The following CHAF1B variants were observed in gnomAD, a reference collection of about 807,000 sequenced individuals.
The protein encoded by CHAF1B is CAF-1 subunit B.
CHAF1B carries 10 observed loss-of-function variants against 60.7 expected under a neutral mutation model. That is an observed-to-expected ratio of 0.16 (90% CI 0.10 to 0.28). The LOEUF (loss-of-function observed/expected upper bound fraction) is 0.28. Ranked by LOEUF, CHAF1B falls within the 10% of genes least tolerant of loss-of-function variation. CHAF1B has a pLI of 1.00. For synonymous variants in CHAF1B, 261 were observed against 266.1 expected (o/e 0.98, Z 0.19); for missense variants, 558 against 708.4 (o/e 0.79, Z 2.41).
At chr21:36,407,413 T>A (rs2086246823) in intron 8 of CHAF1B, among the ~76,000 whole-genome samples, 1 of 151,974 alleles carries the variant, frequency 6.6e-6, no homozygotes, top group Non-Finnish European at 1.5e-5. Context: ...GGTGAATGAA[T>A]CTTGCAGTAA....
At chr21:36,399,489 G>A (rs528675863) in intron 6 of CHAF1B, 32 bp from the exon 7 acceptor site, 1 of 1,558,532 alleles carries the variant, frequency 6.4e-7, no homozygotes, top group Non-Finnish European at 8.8e-7. Context: ...TCATTTACTA[G>A]AAGTGGTAAA....
intron 4 of CHAF1B, among the ~76,000 whole-genome samples, chr21:36,392,521 C>T (rs1269391710): frequency 2.1e-5 from 3 of 144,790 alleles, no homozygotes; most frequent in Non-Finnish European, 4.6e-5. Flanking sequence ...CGCCCCCCAC[C>T]TCCCGGACGG....
At chr21:36,415,541 G>A (rs757029886) in intron 13 of CHAF1B, 152 bp downstream of exon 13, 7 of 623,560 alleles carry the variant, frequency 1.1e-5, no homozygotes, top group South Asian at 1.9e-5. Context: ...CCGGCTGCCT[G>A]TTTACGCCTC....
chr21:36,398,534 A>G (rs1308948690), intron 6 of CHAF1B, among the ~76,000 whole-genome samples: 5 of 151,740 alleles, frequency 3.3e-5, no homozygotes, highest in African/African-American at 4.8e-5. Flanking sequence ...TAATTTTTGT[A>G]TTTTTAGTAG....
intron 8 of CHAF1B, among the ~76,000 whole-genome samples, chr21:36,406,973 A>C (rs747697878): frequency 1.6e-4 from 24 of 152,188 alleles, no homozygotes; most frequent in Non-Finnish European, 3.4e-4. Context: ...AAGGAAATAT[A>C]GGAGGACATT....
intron 7 of CHAF1B, among the ~76,000 whole-genome samples, chr21:36,401,588 A>G (rs1204104761): frequency 8.7e-6 from 1 of 115,386 alleles, no homozygotes; most frequent in Non-Finnish European, 1.7e-5. Context: ...TATATTATAC[A>G]TAATATATAT....
At chr21:36,393,030 C>T (rs529963637) in intron 4 of CHAF1B, among the ~76,000 whole-genome samples, 13 of 152,308 alleles carry the variant, frequency 8.5e-5, no homozygotes, top group Admixed American at 3.9e-4. Flanking sequence ...GCCAACACAG[C>T]GAAACCCCAT....
intron 5 of CHAF1B, among the ~76,000 whole-genome samples, chr21:36,396,140 C>T (rs1374540302): frequency 6.6e-6 from 1 of 151,598 alleles, no homozygotes; most frequent in East Asian, 1.9e-4. Context: ...GCTGGGATTA[C>T]AGGCGCCCGC....
At chr21:36,394,784 T>G (rs920585906) in intron 5 of CHAF1B, 134 bp downstream of exon 5, 11 of 576,434 alleles carry the variant, frequency 1.9e-5, no homozygotes, top group Non-Finnish European at 3.0e-5. Context: ...CAGGCTGGAG[T>G]GCAGTGGTGC....
At chr21:36,401,787 C>A (rs2086194040) in intron 7 of CHAF1B, among the ~76,000 whole-genome samples, 1 of 151,458 alleles carries the variant, frequency 6.6e-6, no homozygotes, top group African/African-American at 2.4e-5. Context: ...GTCACCCAGG[C>A]TGGAGTGCAG....
chr21:36,407,179 G>T (rs2086244514), intron 8 of CHAF1B, among the ~76,000 whole-genome samples: 1 of 151,974 alleles, frequency 6.6e-6, no homozygotes, highest in African/African-American at 2.4e-5. Flanking sequence ...ATGCACACCT[G>T]TAATCCCAGC....
intron 6 of CHAF1B, 64 bp downstream of exon 6, chr21:36,397,575 G>T: frequency 1.2e-6 from 1 of 852,970 alleles, no homozygotes; most frequent in Non-Finnish European, 1.8e-6. Flanking sequence ...TCTGAAGAGA[G>T]GTATTTATCG....
At chr21:36,401,232 A>G (rs1228679826) in intron 7 of CHAF1B, among the ~76,000 whole-genome samples, 1 of 150,676 alleles carries the variant, frequency 6.6e-6, no homozygotes, top group African/African-American at 2.4e-5. Context: ...GCGCCATTGC[A>G]CTCCAGCCTG....
At chr21:36,393,949 G>C (rs914362678) in intron 4 of CHAF1B, among the ~76,000 whole-genome samples, 1 of 152,088 alleles carries the variant, frequency 6.6e-6, no homozygotes, top group African/African-American at 2.4e-5. Context: ...GCGCAGGCTG[G>C]AGTGCAGTGG....
At chr21:36,400,452 C>T (rs924469443) in intron 7 of CHAF1B, among the ~76,000 whole-genome samples, 1 of 151,818 alleles carries the variant, frequency 6.6e-6, no homozygotes, top group Non-Finnish European at 1.5e-5. Flanking sequence ...GCCTGGGTGA[C>T]AAGAGCGAAA....
chr21:36,410,907 C>T (rs749951738), intron 10 of CHAF1B, among the ~76,000 whole-genome samples: 7 of 151,910 alleles, frequency 4.6e-5, no homozygotes, highest in Non-Finnish European at 7.4e-5. Context: ...GTGATCTGCC[C>T]GCCTCAGTTT....
At chr21:36,415,983 G>A in intron 13 of CHAF1B, 2 of 336,796 alleles carry the variant, frequency 5.9e-6, no homozygotes, top group Non-Finnish European at 1.1e-5. Flanking sequence ...TGAACTCCTG[G>A]CCTCAAATGA....
chr21:36,386,276 G>GAGATAGAC lies in CHAF1B; in HGVS notation c.126+16_126+23dup. ...ACCAATGTCAGGGTAAACTGGGGCAGAGATAGACATCCGGGAACACTGCTT... is the reference window on the plus strand; with the variant it reads ...ACCAATGTCAGGGTAAACTGGGGCAGAGATAGACAGATAGACATCCGGGAACACTGCTT... On this transcript the variant is annotated intron_variant, in intron 2 of 13. Coordinates refer to ENST00000314103, the MANE Select transcript of CHAF1B (RefSeq NM_005441.3). 1 of 1,613,084 alleles carries GAGATAGAC rather than the reference G, an allele frequency of 6.2e-7. No homozygotes were observed. Among genetic ancestry groups the GAGATAGAC allele is most frequent in the Non-Finnish European group, 8.5e-7 (1 of 1,179,606 alleles).
At position 36,391,276 on chromosome 21, in the gene CHAF1B, C is replaced by T. The variant is rs558018601; in HGVS notation, c.260-275C>T. ...GTTGAAATGCTTGGAAGTAAATCATCCTGGCCATAGTGTCCACTGAACAAC... is the reference window on the plus strand; with the variant it reads ...GTTGAAATGCTTGGAAGTAAATCATTCTGGCCATAGTGTCCACTGAACAAC... On this transcript the variant is annotated intron_variant, in intron 3 of 13. Transcript: ENST00000314103. Among the ~76,000 whole-genome samples, 4 of 152,156 alleles carry T rather than the reference C, an allele frequency of 2.6e-5. No homozygotes were observed. In the South Asian group the frequency reaches 8.3e-4, roughly 32 times the overall value.
Sources: allele counts gnomAD v4.1 joint callset (sites outside exome capture counted in the v4.1 genomes callset), GRCh38; gene constraint gnomAD v4.1.1; transcripts MANE v1.5; gene names NCBI Gene and HGNC (gene_info 2026-07-23, HGNC 2026-07-21).